Variants in CLDN16 observed in about 807,000 individuals in gnomAD.
The protein encoded by CLDN16 is claudin 16.
Under a neutral mutation model 24.6 loss-of-function variants are expected in CLDN16, and 13 were observed. The observed-to-expected ratio is 0.53, with a 90% CI of 0.34 to 0.84. The LOEUF (loss-of-function observed/expected upper bound fraction) is 0.84, where lower values mean the gene tolerates loss of function less well. Ranked by LOEUF, CLDN16 falls within the 40% of genes least tolerant of loss-of-function variation. The pLI, the probability that CLDN16 is intolerant of heterozygous loss-of-function variation, is 0.01. For synonymous variants in CLDN16, 116 were observed against 106.7 expected, an observed-to-expected ratio of 1.09 and a Z score of -0.54; for missense variants, 298 against 292.7, an observed-to-expected ratio of 1.02 and a Z score of -0.13.
intron 1 of CLDN16, among the ~76,000 whole-genome samples, chr3:190,346,256 G>A (rs568407486): frequency 1.3e-5 from 2 of 151,968 alleles, no homozygotes; most frequent in Non-Finnish European, 2.9e-5. Flanking sequence ...AGTTCTGTTT[G>A]CTTAGGGAAG....
intron 2 of CLDN16, among the ~76,000 whole-genome samples, chr3:190,373,779 C>A (rs1189302026): frequency 6.6e-6 from 1 of 150,626 alleles, no homozygotes; most frequent in Non-Finnish European, 1.5e-5. Flanking sequence ...CAGAGCTAGT[C>A]AATGATGTAG....
chr3:190,297,771 C>A, the CLDN16 span, among the ~76,000 whole-genome samples: 1 of 140,810 alleles, frequency 7.1e-6, no homozygotes, highest in African/African-American at 2.6e-5. Context: ...CACATATATA[C>A]ATACCTGAAA....
chr3:190,367,155 T>C (rs996515608), intron 1 of CLDN16, among the ~76,000 whole-genome samples: 1 of 151,982 alleles, frequency 6.6e-6, no homozygotes, highest in Non-Finnish European at 1.5e-5. Context: ...CTGAAAGAAA[T>C]GAATATTCTT....
chr3:190,310,530 A>G, the CLDN16 span, among the ~76,000 whole-genome samples: 1 of 152,198 alleles, frequency 6.6e-6, no homozygotes, highest in African/African-American at 2.4e-5. Flanking sequence ...AGGCAGGTGT[A>G]TGTTGTACAA....
At chr3:190,335,514 A>T (rs1717280925) in intron 1 of CLDN16, among the ~76,000 whole-genome samples, 1 of 151,968 alleles carries the variant, frequency 6.6e-6, no homozygotes, top group Non-Finnish European at 1.5e-5. Context: ...GGAGATCAAG[A>T]CCATCCTGGC....
intron 1 of CLDN16, among the ~76,000 whole-genome samples, chr3:190,359,303 C>A (rs1717839263): frequency 6.6e-6 from 1 of 152,022 alleles, no homozygotes; most frequent in Admixed American, 6.6e-5. Context: ...CATTACACAC[C>A]TTGCATGAAG....
At chr3:190,366,481 T>G (rs1168457624) in intron 1 of CLDN16, among the ~76,000 whole-genome samples, 1 of 151,980 alleles carries the variant, frequency 6.6e-6, no homozygotes, top group Non-Finnish European at 1.5e-5. Context: ...CCAGTGGTCT[T>G]AAGTCACATT....
At chr3:190,296,070 C>G in the CLDN16 span, among the ~76,000 whole-genome samples, 2 of 152,150 alleles carry the variant, frequency 1.3e-5, no homozygotes, top group Admixed American at 1.3e-4. Context: ...GAGTCATATA[C>G]TCTACCTTAA....
the CLDN16 span, among the ~76,000 whole-genome samples, chr3:190,312,185 C>G: frequency 5.3e-5 from 8 of 152,088 alleles, no homozygotes; most frequent in South Asian, 1.5e-3. Flanking sequence ...CCCTCCTCAG[C>G]CTCCAAAAGT....
upstream of CLDN16, chr3:190,322,049 G>A: frequency 6.2e-7 from 1 of 1,614,228 alleles, no homozygotes; most frequent in Non-Finnish European, 8.5e-7. Flanking sequence ...CGACACGCAG[G>A]ACATCCACAG....
the CLDN16 span, among the ~76,000 whole-genome samples, chr3:190,303,482 G>GT: frequency 1.1e-4 from 17 of 152,304 alleles, no homozygotes; most frequent in Middle Eastern, 3.4e-3. Flanking sequence ...AAATTGGTGT[G>GT]TGGGGGGGTT....
intron 1 of CLDN16, among the ~76,000 whole-genome samples, chr3:190,397,561 A>G (rs987186071): frequency 6.6e-6 from 1 of 152,236 alleles, no homozygotes; most frequent in Non-Finnish European, 1.5e-5. Context: ...AATGAAGATG[A>G]TAAATCATAC....
chr3:190,390,512 G>A (rs1015158972), intron 1 of CLDN16, among the ~76,000 whole-genome samples: 5 of 150,696 alleles, frequency 3.3e-5, no homozygotes, highest in East Asian at 4.0e-4. Context: ...CCAGCCTGGC[G>A]ACAGAGCGAG....
the CLDN16 span, among the ~76,000 whole-genome samples, chr3:190,290,492 C>T: frequency 6.6e-6 from 1 of 152,138 alleles, no homozygotes; most frequent in African/African-American, 2.4e-5. Flanking sequence ...AGGTGGAAGA[C>T]AATTTTAAGG....
upstream of CLDN16, among the ~76,000 whole-genome samples, chr3:190,320,192 G>A (rs1716881999): frequency 6.6e-6 from 1 of 152,198 alleles, no homozygotes; most frequent in African/African-American, 2.4e-5. Context: ...ATCCATTTGA[G>A]TATTTACAAC....
intron 1 of CLDN16, among the ~76,000 whole-genome samples, chr3:190,357,296 T>C (rs1342513836): frequency 6.6e-6 from 1 of 151,922 alleles, no homozygotes; most frequent in Non-Finnish European, 1.5e-5. Context: ...ATCTACCTGA[T>C]CATTAAGCCA....
chr3:190,377,359 C>A (rs1425111), intron 3 of CLDN16, among the ~76,000 whole-genome samples: 113,268 of 151,740 alleles, frequency 0.75, 42,327 homozygotes, highest in East Asian at 0.83. Context: ...TGTTTAAGTT[C>A]TTGGGTTGAA....
At chr3:190,379,893 A>G (rs1718321441) in intron 3 of CLDN16, among the ~76,000 whole-genome samples, 1 of 152,012 alleles carries the variant, frequency 6.6e-6, no homozygotes, top group Non-Finnish European at 1.5e-5. Flanking sequence ...TCATTTCCTC[A>G]TTTATGGTCC....
intron 1 of CLDN16, among the ~76,000 whole-genome samples, chr3:190,390,497 G>A (rs1485118746): frequency 6.6e-6 from 1 of 152,094 alleles, no homozygotes; most frequent in Non-Finnish European, 1.5e-5. Context: ...TTGTGCCACT[G>A]CACTCCAGCC....
Sources: allele counts gnomAD v4.1 joint callset (sites outside exome capture counted in the v4.1 genomes callset), GRCh38; gene constraint gnomAD v4.1.1; transcripts MANE v1.5; gene names NCBI Gene and HGNC (gene_info 2026-07-23, HGNC 2026-07-21).